SLC43A3: variants seen among roughly 807,000 people sequenced by gnomAD.
SLC43A3 encodes the protein equilibrative nucleobase transporter 1.
A neutral mutation model predicts 53.3 loss-of-function variants in SLC43A3; 33 were observed. The observed-to-expected ratio is 0.62, with a 90% CI of 0.47 to 0.83. SLC43A3 has a LOEUF of 0.83. SLC43A3 is among the 40% of genes least tolerant of loss of function. The pLI is 0.00. For synonymous variants in SLC43A3, 236 were observed against 246.2 expected (o/e 0.96, Z 0.39); for missense variants, 530 against 610.0 (o/e 0.87, Z 1.38).
intron 7 of SLC43A3, among the ~76,000 whole-genome samples, chr11:57,420,199 C>T (rs1192072613): frequency 6.6e-6 from 1 of 152,204 alleles, no homozygotes; most frequent in East Asian, 1.9e-4. Flanking sequence ...TGCCACAACT[C>T]CAGCTATCAC....
chr11:57,411,218 T>C (rs1381189109), intron 11 of SLC43A3, among the ~76,000 whole-genome samples: 5 of 152,164 alleles, frequency 3.3e-5, no homozygotes, highest in African/African-American at 7.2e-5. Flanking sequence ...ATGTCTGATA[T>C]GTAAATGTTT....
intron 7 of SLC43A3, 64 bp downstream of exon 7, chr11:57,420,908 G>A: frequency 9.0e-6 from 10 of 1,115,774 alleles, no homozygotes; most frequent in Non-Finnish European, 1.4e-5. Context: ...AATAATGCAG[G>A]TTCACAAGAC....
At chr11:57,408,901 G>A (rs1291144463) in intron 13 of SLC43A3, among the ~76,000 whole-genome samples, 2 of 152,238 alleles carry the variant, frequency 1.3e-5, no homozygotes, top group Non-Finnish European at 2.9e-5. Flanking sequence ...GTGGGCCTAG[G>A]GGAGAGGCCA....
chr11:57,415,111 T>C lies in SLC43A3; in HGVS notation c.770-5A>G. On this transcript the variant is annotated splice_polypyrimidine_tract_variant and splice_region_variant and intron_variant, in intron 9 of 13. Coordinates refer to ENST00000395124, the MANE Select transcript of SLC43A3 (RefSeq NM_199329.3). The stretch of plus-strand genomic sequence containing the variant: ...TCTGCCCTGCCCCTGGGGTCTCTAA[T>C]GGGGAGAGGAGGATCTGGGCGTGAA... The C allele has an allele frequency of 6.2e-7, 1 of 1,604,254 alleles. No individual in the cohort carries two copies. The highest frequency in any genetic ancestry group is 1.1e-5 in the South Asian group (1 of 89,276).
intron 7 of SLC43A3, 49 bp from the exon 8 acceptor site, chr11:57,417,936 G>A (rs768809430): frequency 1.5e-5 from 24 of 1,582,970 alleles, no homozygotes; most frequent in Non-Finnish European, 2.0e-5. Flanking sequence ...GTTCATAGCA[G>A]CACTATTCAC....
chr11:57,421,534 C>T (rs1487857467), intron 5 of SLC43A3, among the ~76,000 whole-genome samples, 161 bp from the exon 6 acceptor site: 1 of 152,160 alleles, frequency 6.6e-6, no homozygotes, highest in Non-Finnish European at 1.5e-5. Flanking sequence ...AGGATACCGG[C>T]CAAGGCTTCC....
chr11:57,423,961 C>T, intron 5 of SLC43A3, 21 bp downstream of exon 5: 1 of 1,613,684 alleles, frequency 6.2e-7, no homozygotes, highest in Non-Finnish European at 8.5e-7. Context: ...GCATCCCTCC[C>T]ACCCACCTGA....
rs143668857 is a variant in SLC43A3, at chr11:57,423,717, A to T, written c.361+265T>A. On this transcript the variant is annotated intron_variant, in intron 5 of 13. Transcript: ENST00000395124. ...AGTGCTGGGATTACAGGAGTGAGCC[A>T]CTGCACCTGGCCAGATGTAAAGTTT... The T allele has an allele frequency of 3.7e-3, 1,384 of 377,308 alleles. 14 individuals are homozygous for T. Among genetic ancestry groups the T allele is most frequent in the African/African-American group, 0.026 (1,290 of 49,414 alleles). 23.4% of individuals were successfully genotyped at this position (377,308 alleles called of 1,614,324 possible).
At position 57,407,781 on chromosome 11, in the gene SLC43A3, G is replaced by A; in HGVS notation, c.*11C>T. On this transcript the variant is annotated 3_prime_UTR_variant, in exon 14 of 14. Coordinates refer to ENST00000395124, the MANE Select transcript of SLC43A3 (RefSeq NM_199329.3). ...AACCATCCTCGGGGCTGAAAAGTGA[G>A]GGCTTCTGAACTATGCAATTGCAGA... is the stretch of plus-strand genomic sequence containing the variant. The A allele has an allele frequency of 1.9e-6, 3 of 1,556,602 alleles. No homozygotes were observed. The highest frequency in any genetic ancestry group is 2.7e-6 in the Non-Finnish European group (3 of 1,128,468).
intron 11 of SLC43A3, 73 bp from the exon 12 acceptor site, chr11:57,410,194 A>G (rs1942388177): frequency 3.1e-6 from 4 of 1,282,426 alleles, no homozygotes; most frequent in Admixed American, 2.9e-5. Flanking sequence ...GCCAAGGAAG[A>G]TTGGAAAAAG....
In SLC43A3 at chr11:57,425,745, C is replaced by T. The variant is rs781650749; in HGVS notation, c.185-75G>A. Reference sequence around the variant, plus strand: ...AGCACACAGGCTGGGCTCCCCTCCACCTCAGACAGCTTGTCGGTCGCAAAC... The same window carrying T: ...AGCACACAGGCTGGGCTCCCCTCCATCTCAGACAGCTTGTCGGTCGCAAAC... On this transcript the variant is annotated intron_variant, in intron 3 of 13. Coordinates refer to ENST00000395124, the MANE Select transcript of SLC43A3 (RefSeq NM_199329.3). 48 of 1,589,802 alleles carry T rather than the reference C, an allele frequency of 3.0e-5. 2 individuals are homozygous for T. In the South Asian group the frequency reaches 4.0e-4, roughly 13 times the overall value.
intron 9 of SLC43A3, chr11:57,415,330 T>C (rs759189824): frequency 1.4e-5 from 21 of 1,509,896 alleles, no homozygotes; most frequent in African/African-American, 1.4e-5. Context: ...TGTGTTCTTC[T>C]CTATTGAAAT....
intron 11 of SLC43A3, among the ~76,000 whole-genome samples, chr11:57,412,898 T>C (rs1942545413): frequency 6.6e-6 from 1 of 151,874 alleles, no homozygotes; most frequent in Non-Finnish European, 1.5e-5. Context: ...GCTCCTAAAA[T>C]CACTAAGTAT....
chr11:57,409,920 C>A lies in SLC43A3; in HGVS notation c.1247+15G>T. The A allele has an allele frequency of 6.2e-7, 1 of 1,600,384 alleles. No individual in the cohort carries two copies. The highest frequency in any genetic ancestry group is 1.1e-5 in the South Asian group (1 of 88,696). ...GTGTGTCCGTCTCCACAGAGCCCGC[C>A]CCAAGGCCACTTACGCAAGGGTGAG... On this transcript the variant is annotated intron_variant, in intron 12 of 13. Coordinates refer to ENST00000395124, the MANE Select transcript of SLC43A3 (RefSeq NM_199329.3).
intron 4 of SLC43A3, among the ~76,000 whole-genome samples, chr11:57,424,874 C>T (rs1943141434): frequency 6.6e-6 from 1 of 152,162 alleles, no homozygotes; most frequent in Non-Finnish European, 1.5e-5. Context: ...TGTATCAGCC[C>T]CCAGCAGGCC....
At chr11:57,421,155 C>A in intron 6 of SLC43A3, 91 bp from the exon 7 acceptor site, 1 of 1,215,348 alleles carries the variant, frequency 8.2e-7, no homozygotes. Flanking sequence ...CTCCTTATAC[C>A]CAAACTCACC....
Position 57,414,995 on chromosome 11 carries a change from T to G in SLC43A3, c.881A>C (p.Tyr294Ser), listed in dbSNP as rs768560650. Reference protein sequence around the residue: ...VWLSVIQLWHYLFIGTLNSLL... With the variant: ...VWLSVIQLWHSLFIGTLNSLL... ...GGAGTTGAGAGTGCCAATGAAGAGG[T>G]AGTGCCACAACTGTATCACAGACAG... The change falls in exon 10 of 14, where the codon TAC (tyrosine) becomes TCC (serine). Residue 294 changes from tyrosine to serine, a missense_variant. Physicochemically the swap from Tyr to Ser is moderately radical, Grantham distance 144. Coordinates refer to ENST00000395124, the MANE Select transcript of SLC43A3 (RefSeq NM_199329.3). The G allele has an allele frequency of 1.9e-6, 3 of 1,613,818 alleles. No homozygotes were observed. The highest frequency in any genetic ancestry group is 2.5e-6 in the Non-Finnish European group (3 of 1,179,972).
chr11:57,415,257 C>G (rs528723605), intron 9 of SLC43A3, 151 bp from the exon 10 acceptor site: 2 of 1,535,116 alleles, frequency 1.3e-6, no homozygotes, highest in Non-Finnish European at 1.7e-6. Context: ...GCACCTGCCT[C>G]GGACTCACAC....
chr11:57,423,884 TG>T, intron 5 of SLC43A3, 97 bp downstream of exon 5: 1 of 933,208 alleles, frequency 1.1e-6, no homozygotes, highest in Non-Finnish European at 1.7e-6. Flanking sequence ...AATAACCATG[TG>T]GTCTGTATAT....
Sources: allele counts gnomAD v4.1 joint callset (sites outside exome capture counted in the v4.1 genomes callset), GRCh38; gene constraint gnomAD v4.1.1; transcripts MANE v1.5; gene names NCBI Gene and HGNC (gene_info 2026-07-23, HGNC 2026-07-21).